The following ITGA9 variants were observed in gnomAD, a reference collection of about 807,000 sequenced individuals.
The protein encoded by ITGA9 is integrin alpha-9.
A neutral mutation model predicts 127.8 loss-of-function variants in ITGA9; 56 were observed. The observed-to-expected ratio is 0.44, with a 90% CI of 0.35 to 0.55. The LOEUF (loss-of-function observed/expected upper bound fraction) is 0.55, where lower values mean the gene tolerates loss of function less well. ITGA9 is among the 20% of genes least tolerant of loss of function. The pLI is 0.00. For missense variants in ITGA9, 1,196 were observed against 1,347.1 expected, an observed-to-expected ratio of 0.89 and a Z score of 1.76; for synonymous variants, 508 against 514.5, an observed-to-expected ratio of 0.99 and a Z score of 0.17.
intron 15 of ITGA9, among the ~76,000 whole-genome samples, chr3:37,628,538 C>T (rs900098606): frequency 5.3e-5 from 8 of 152,140 alleles, no homozygotes; most frequent in African/African-American, 1.7e-4. Flanking sequence ...GTGTGTTTCT[C>T]ATCTCCTTGC....
intron 17 of ITGA9, among the ~76,000 whole-genome samples, chr3:37,656,929 C>T (rs1700484033): frequency 6.6e-6 from 1 of 151,960 alleles, no homozygotes; most frequent in Non-Finnish European, 1.5e-5. Context: ...AAGCCCTTTT[C>T]TGCATCTATT....
At chr3:37,678,554 A>T (rs961680292) in intron 17 of ITGA9, among the ~76,000 whole-genome samples, 1 of 152,182 alleles carries the variant, frequency 6.6e-6, no homozygotes, top group Non-Finnish European at 1.5e-5. Flanking sequence ...TGATGGTGTA[A>T]TGAGAATTTT....
intron 15 of ITGA9, among the ~76,000 whole-genome samples, chr3:37,625,743 G>T (rs1362271382): frequency 6.6e-6 from 1 of 152,148 alleles, no homozygotes; most frequent in Non-Finnish European, 1.5e-5. Context: ...AAATGAAAAG[G>T]AAACCGCTAA....
At chr3:37,670,916 T>A (rs1463254111) in intron 17 of ITGA9, among the ~76,000 whole-genome samples, 1 of 152,270 alleles carries the variant, frequency 6.6e-6, no homozygotes, top group Non-Finnish European at 1.5e-5. Context: ...GGGACTATGA[T>A]GGCCCTGCTA....
At chr3:37,747,716 C>CTTTTTTTTTTTTTT (rs56897652) in intron 22 of ITGA9, among the ~76,000 whole-genome samples, 6 of 140,032 alleles carry the variant, frequency 4.3e-5, no homozygotes, top group Admixed American at 7.1e-5. Context: ...CCTTTTTTTT[C>CTTTTTTTTTTTTTT]TTTTTTTTTT....
chr3:37,504,768 T>C (rs1386594463), intron 6 of ITGA9, among the ~76,000 whole-genome samples: 1 of 152,152 alleles, frequency 6.6e-6, no homozygotes, highest in Non-Finnish European at 1.5e-5. Flanking sequence ...CAGAATACTC[T>C]TAGGTACTAT....
chr3:37,804,051 C>T (rs1697266249), intron 27 of ITGA9, 109 bp downstream of exon 27: 18 of 1,521,604 alleles, frequency 1.2e-5, no homozygotes, highest in Admixed American at 3.4e-5. Context: ...TTCATGGCAC[C>T]GGTACAGTGA....
rs149067340 is a variant in ITGA9 at position 37,629,216 on chromosome 3, C to A, written c.1719C>A (p.Ile573=). 3.1e-6 allele frequency: 5 copies of A among 1,613,190 alleles called. No homozygotes were observed. In the African/African-American group the frequency reaches 4.0e-5, roughly 13 times the overall value. Residue 573 remains isoleucine, a synonymous_variant, in exon 16 of 28, where the codon ATC becomes ATA. Transcript: ENST00000264741. The surrounding 1 kb of genome is among the most constrained non-coding windows in gnomAD (Gnocchi z 4.5). Reference sequence around the variant, plus strand: ...GGGTGCAGGACGTCATCAGCCCGATCGTGTTTGAAGCAGCCTACAGCCTCA... The same window carrying A: ...GGGTGCAGGACGTCATCAGCCCGATAGTGTTTGAAGCAGCCTACAGCCTCA... ...KRRVQDVISP[I]VFEAAYSLSE...
intron 15 of ITGA9, among the ~76,000 whole-genome samples, chr3:37,559,221 G>A (rs1699461745): frequency 6.6e-6 from 1 of 151,940 alleles, no homozygotes; most frequent in Non-Finnish European, 1.5e-5. Context: ...TTTCCCTCTT[G>A]TAATAAATCA....
chr3:37,589,775 G>C (rs966026041), intron 15 of ITGA9, among the ~76,000 whole-genome samples: 8 of 152,164 alleles, frequency 5.3e-5, no homozygotes, highest in Non-Finnish European at 8.8e-5. Flanking sequence ...TGAGGGTGTA[G>C]GTATTAAGAG....
intron 1 of ITGA9, among the ~76,000 whole-genome samples, chr3:37,467,079 C>A (rs1031492049): frequency 3.3e-5 from 5 of 152,148 alleles, no homozygotes; most frequent in Non-Finnish European, 7.4e-5. Context: ...GGCTGGCCTG[C>A]GGTAGTCTTG....
chr3:37,712,252 G>T (rs1429051248), intron 18 of ITGA9, among the ~76,000 whole-genome samples: 1 of 152,156 alleles, frequency 6.6e-6, no homozygotes, highest in African/African-American at 2.4e-5. Context: ...TGACCACAGA[G>T]GGTCCCACCT....
intron 4 of ITGA9, among the ~76,000 whole-genome samples, chr3:37,490,676 T>A (rs554506987): frequency 6.6e-6 from 1 of 152,236 alleles, no homozygotes; most frequent in African/African-American, 2.4e-5. Context: ...TAATGTAGGC[T>A]CCATGCATTG....
chr3:37,616,894 C>A (rs530365276), intron 15 of ITGA9, among the ~76,000 whole-genome samples: 1 of 152,348 alleles, frequency 6.6e-6, no homozygotes, highest in Admixed American at 6.5e-5. Context: ...ATACAGCACA[C>A]TGATGGGTCT....
At chr3:37,509,708 C>G (rs572804184) in intron 8 of ITGA9, among the ~76,000 whole-genome samples, 1 of 152,306 alleles carries the variant, frequency 6.6e-6, no homozygotes, top group South Asian at 2.1e-4. Context: ...AATGGCTCTG[C>G]CTTCCCGAGA....
intron 15 of ITGA9, among the ~76,000 whole-genome samples, chr3:37,557,754 A>G (rs1488743535): frequency 2.6e-5 from 4 of 152,198 alleles, no homozygotes; most frequent in Non-Finnish European, 5.9e-5. Context: ...ACAATTACAT[A>G]TGTTAATATG....
At chr3:37,599,390 T>C (rs1002373853) in intron 15 of ITGA9, among the ~76,000 whole-genome samples, 2 of 152,328 alleles carry the variant, frequency 1.3e-5, no homozygotes, top group African/African-American at 2.4e-5. Context: ...GGCCAATGCC[T>C]ATCATCATCC....
At chr3:37,632,532 G>A (rs1007343902) in intron 16 of ITGA9, among the ~76,000 whole-genome samples, 7 of 152,074 alleles carry the variant, frequency 4.6e-5, no homozygotes, top group Non-Finnish European at 1.0e-4. Flanking sequence ...AGAAGGGGGA[G>A]AAAATTATGT....
intron 23 of ITGA9, among the ~76,000 whole-genome samples, chr3:37,751,057 G>A (rs1013220026): frequency 1.8e-4 from 27 of 152,264 alleles, no homozygotes; most frequent in Non-Finnish European, 3.5e-4. Flanking sequence ...TATCTGAGCC[G>A]AGAGTTGAAG....
Sources: gnomAD v4.1 joint callset for allele counts (sites outside exome capture counted in the v4.1 genomes callset) on GRCh38, gnomAD v4.1.1 for gene constraint, Gnocchi (gnomAD v3.1) non-coding constraint, MANE v1.5 for transcripts, NCBI Gene and HGNC (gene_info 2026-07-23, HGNC 2026-07-21) for gene names.